CCDC39: variants seen among roughly 807,000 people sequenced by gnomAD.
CCDC39 encodes the protein coiled-coil domain 39 molecular ruler complex subunit, also known as coiled-coil domain-containing protein 39.
In CCDC39, 113 loss-of-function variants were observed where a neutral mutation model predicts 121.0. That is an observed-to-expected ratio of 0.93 (90% CI 0.80 to 1.09). The LOEUF is 1.09. Among genes scored for constraint, CCDC39 ranks in the 50% least tolerant of loss-of-function variants. The pLI, the probability that CCDC39 is intolerant of heterozygous loss-of-function variation, is 0.00. For synonymous variants in CCDC39, 349 were observed against 352.2 expected (o/e 0.99, Z 0.10); for missense variants, 1,063 against 1,074.7 (o/e 0.99, Z 0.15).
At chr3:180,617,636 A>G (rs1190384825) in intron 16 of CCDC39, 1 of 407,308 alleles carries the variant, frequency 2.5e-6, no homozygotes, top group Admixed American at 4.3e-5. Flanking sequence ...AAAACTAAAA[A>G]TAGAAAAATG....
chr3:180,649,948 G>A (rs1322470244), intron 9 of CCDC39, among the ~76,000 whole-genome samples: 1 of 152,202 alleles, frequency 6.6e-6, no homozygotes, highest in Non-Finnish European at 1.5e-5. Flanking sequence ...TATCATTCAT[G>A]TCAAGATTGC....
At chr3:180,659,179 T>C (rs1487961545) in intron 6 of CCDC39, among the ~76,000 whole-genome samples, 1 of 152,228 alleles carries the variant, frequency 6.6e-6, no homozygotes, top group Non-Finnish European at 1.5e-5. Flanking sequence ...GGCATTGGTT[T>C]TATTGCCAGA....
Position 180,642,011 on chromosome 3 carries a change from T to C in CCDC39, c.1856A>G (p.Gln619Arg). The C allele has an allele frequency of 1.3e-6, 2 of 1,585,526 alleles. No homozygotes were observed. The highest frequency in any genetic ancestry group is 2.3e-5 in the South Asian group (2 of 85,206). The change falls in exon 13 of 20, where the codon CAA becomes CGA. Residue 619 changes from glutamine (Q) to arginine (R), a missense_variant. Transcript: ENST00000476379. ...MLASQIRYVD[Q>R]ERENISTEFR... is the part of the protein sequence containing the mutation. ...AAATTACCTTATGTTTTCCCGTTCT[T>C]GATCAACATATCTTATTTGTGACGC... is the stretch of plus-strand genomic sequence containing the variant.
chr3:180,647,386 G>T (rs1299239314), intron 10 of CCDC39, 143 bp from the exon 11 acceptor site: 2 of 675,514 alleles, frequency 3.0e-6, no homozygotes, highest in Non-Finnish European at 4.8e-6. Context: ...AGTAATTCAG[G>T]ATAAAATCCT....
At chr3:180,617,935 G>T (rs1717308358) in intron 16 of CCDC39, 1 of 153,710 alleles carries the variant, frequency 6.5e-6, no homozygotes, top group Non-Finnish European at 1.4e-5. Flanking sequence ...GCAGCTTCCA[G>T]TCCCGCAAGC....
chr3:180,674,103 T>C (rs989607975), intron 1 of CCDC39, among the ~76,000 whole-genome samples: 11 of 152,136 alleles, frequency 7.2e-5, no homozygotes, highest in South Asian at 4.1e-4. Flanking sequence ...ATTCTTCCTA[T>C]TCATGAGCAT....
At position 180,659,535 on chromosome 3, in the gene CCDC39, C is replaced by T. The variant is rs1294230089; in HGVS notation, c.655G>A (p.Glu219Lys). ...AAQDFRKIHN[E>K]RQELIKQWEN... ...CATTGTTTAATGAGTTCTTGTCTTT[C>T]ATTATGAATCTTACGAAAATCTTGT... The change falls in exon 6 of 20, where the codon GAA (glutamate) becomes AAA (lysine). Residue 219 changes from glutamate (E) to lysine (K), a missense_variant. Coordinates refer to ENST00000476379, the MANE Select transcript of CCDC39 (RefSeq NM_181426.2). The T allele has an allele frequency of 3.1e-6, 5 of 1,613,260 alleles. No homozygotes were observed. The East Asian group carries it at 1.1e-4, about 36-fold the overall frequency.
intron 1 of CCDC39, among the ~76,000 whole-genome samples, chr3:180,669,439 T>C (rs1308984972): frequency 4.6e-5 from 7 of 152,142 alleles, no homozygotes. Flanking sequence ...TTTTATCATA[T>C]TGTCTTCCTA....
rs967086013 is a variant in CCDC39 at position 180,679,451 on chromosome 3, G to C, written c.-71C>G. Reference sequence around the variant, plus strand: ...TGTACAGCGGGTGAGCAGCACCCGCGTCAAGCCCAGGCACCTGCACAGTGC... The same window carrying C: ...TGTACAGCGGGTGAGCAGCACCCGCCTCAAGCCCAGGCACCTGCACAGTGC... On this transcript the variant is annotated 5_prime_UTR_variant, in exon 1 of 20. Coordinates refer to ENST00000476379, the MANE Select transcript of CCDC39 (RefSeq NM_181426.2). This position sits in a 1 kb window ranked among gnomAD's most constrained non-coding sequence, Gnocchi z 4.0. 14 of 1,397,782 alleles carry C rather than the reference G, an allele frequency of 1.0e-5. No homozygotes were observed. The African/African-American group carries it at 2.0e-4, about 20-fold the overall frequency. 86.6% of individuals were successfully genotyped at this position (1,397,782 alleles called of 1,614,324 possible).
At chr3:180,640,233 A>T (rs982984616) in intron 13 of CCDC39, among the ~76,000 whole-genome samples, 6 of 152,094 alleles carry the variant, frequency 3.9e-5, no homozygotes, top group Admixed American at 2.6e-4. Flanking sequence ...ATATACCTCA[A>T]TAAAGTTTAA....
chr3:180,627,701 G>T (rs1229146150), intron 14 of CCDC39, among the ~76,000 whole-genome samples: 1 of 152,134 alleles, frequency 6.6e-6, no homozygotes, highest in African/African-American at 2.4e-5. Context: ...TTTTCAGTTT[G>T]GCCTTTAAGG....
chr3:180,623,651 G>T (rs1428049713), intron 14 of CCDC39, among the ~76,000 whole-genome samples: 1 of 151,878 alleles, frequency 6.6e-6, no homozygotes, highest in Admixed American at 6.6e-5. Flanking sequence ...GGTATGTTGT[G>T]TATCCATTTT....
At chr3:180,616,226 CACTT>C in intron 19 of CCDC39, 51 bp downstream of exon 19, 4 of 1,465,398 alleles carry the variant, frequency 2.7e-6, no homozygotes, top group South Asian at 2.3e-5. Context: ...TGGCTGGAAT[CACTT>C]AGTGTACAGC....
Position 180,659,504 on chromosome 3 carries a change from T to C in CCDC39, c.686A>G (p.Asn229Ser). 1 of 1,613,570 alleles carries C rather than the reference T, an allele frequency of 6.2e-7. No homozygotes were observed. Among genetic ancestry groups the C allele is most frequent in the Non-Finnish European group, 8.5e-7 (1 of 1,179,672 alleles). The change falls in exon 6 of 20, where the codon AAC becomes AGC. Residue 229 changes from asparagine (N) to serine (S), a missense_variant. Transcript: ENST00000476379. Reference protein sequence around the residue: ...ERQELIKQWENTIEQMQKRDG... With the variant: ...ERQELIKQWESTIEQMQKRDG... ...CCTCTTCTGCATCTGTTCTATTGTG[T>C]TCTCCCATTGTTTAATGAGTTCTTG... is the stretch of plus-strand genomic sequence containing the variant.
chr3:180,655,830 G>A (rs1243586813), intron 6 of CCDC39, among the ~76,000 whole-genome samples: 1 of 152,082 alleles, frequency 6.6e-6, no homozygotes, highest in Non-Finnish European at 1.5e-5. Flanking sequence ...TCAAAGCTGG[G>A]AAATAAAAAG....
At chr3:180,648,128 A>T in intron 10 of CCDC39, 37 bp downstream of exon 10, 2 of 1,509,952 alleles carry the variant, frequency 1.3e-6, no homozygotes, top group Non-Finnish European at 1.8e-6. Flanking sequence ...AACTGTAATA[A>T]ATCAATATGG....
intron 9 of CCDC39, 136 bp from the exon 10 acceptor site, chr3:180,648,495 C>A (rs1718125840): frequency 5.3e-6 from 3 of 566,862 alleles, no homozygotes. Flanking sequence ...AAGCTCTTCC[C>A]ACAATTTTAA....
Position 180,618,323 on chromosome 3 carries a change from A to G in CCDC39, c.2265+936T>C, listed in dbSNP as rs375115755. ...TTTTGGAAAAAATAAAACAATGACA[A>G]TTGAAATCATGGAATCTGCAAAGAT... On this transcript the variant is annotated intron_variant, in intron 16 of 19. Coordinates refer to ENST00000476379, the MANE Select transcript of CCDC39 (RefSeq NM_181426.2). Among the ~76,000 whole-genome samples, 8 of 152,300 alleles carry G rather than the reference A, an allele frequency of 5.3e-5. No individual in the cohort carries two copies. In the East Asian group the frequency reaches 1.3e-3, roughly 26 times the overall value.
Position 180,659,681 on chromosome 3 carries a change from G to A in CCDC39, c.605C>T (p.Ala202Val). The A allele has an allele frequency of 6.2e-7, 1 of 1,608,728 alleles. No individual in the cohort carries two copies. Among genetic ancestry groups the A allele is most frequent in the Non-Finnish European group, 8.5e-7 (1 of 1,178,256 alleles). ...AAAAATCTTCCTTAAACTAACCTGTGCGCTTATAGTCTCTGTAAGTTCGTT... is the reference window on the plus strand; with the variant it reads ...AAAAATCTTCCTTAAACTAACCTGTACGCTTATAGTCTCTGTAAGTTCGTT... ...LDNELTETIS[A>V]QLELDKAAQD... The change falls in exon 5 of 20, where the codon GCA (alanine) becomes GTA (valine). Residue 202 changes from alanine (A) to valine (V), a missense_variant. Ala to Val is a moderately conservative substitution (Grantham distance 64). Coordinates refer to ENST00000476379, the MANE Select transcript of CCDC39 (RefSeq NM_181426.2).
Sources: gnomAD v4.1 joint callset for allele counts (sites outside exome capture counted in the v4.1 genomes callset) on GRCh38, gnomAD v4.1.1 for gene constraint, Gnocchi (gnomAD v3.1) non-coding constraint, MANE v1.5 for transcripts, NCBI Gene and HGNC (gene_info 2026-07-23, HGNC 2026-07-21) for gene names.